FOXD3: variants seen among roughly 807,000 people sequenced by gnomAD.
The protein encoded by FOXD3 is forkhead box protein D3.
Under a neutral mutation model 3.6 loss-of-function variants are expected in FOXD3, and 3 were observed. That is an observed-to-expected ratio of 0.84 (90% CI 0.38 to 2.18). FOXD3 has a LOEUF of 2.18. Among genes scored for constraint, FOXD3 ranks in the 30% most tolerant of loss-of-function variants. The pLI is 0.06. For missense variants in FOXD3, 686 were observed against 731.6 expected (o/e 0.94, Z 0.72); for synonymous variants, 391 against 360.9 (o/e 1.08, Z -0.94).
rs1203200962 is a variant in FOXD3, at chr1:63,324,423, G to A, written c.1365G>A (p.Gln455=). The A allele has an allele frequency of 6.4e-7, 1 of 1,573,566 alleles. No homozygotes were observed. Among genetic ancestry groups the A allele is most frequent in the Non-Finnish European group, 8.6e-7 (1 of 1,169,116 alleles). ...APILSVPLSG[Q]FLQPAASAAA... is the part of the protein sequence containing the mutation. ...TTCTTAGCGTGCCACTCTCCGGACA[G>A]TTTCTGCAGCCCGCAGCCTCGGCCG... Residue 455 remains glutamine, a synonymous_variant, in exon 1 of 1, where the codon CAG becomes CAA. Transcript: ENST00000371116. This position sits in a 1 kb window ranked among gnomAD's most constrained non-coding sequence, Gnocchi z 4.1.
rs2100338541 is a variant in FOXD3, at chr1:63,323,078, G to A, written c.20G>A (p.Gly7Asp). 5 of 1,548,454 alleles carry A rather than the reference G, an allele frequency of 3.2e-6. No homozygotes were observed. The African/African-American group carries it at 4.2e-5, about 13-fold the overall frequency. Reference sequence around the variant, plus strand: ...GGAGGGATGACCCTCTCCGGCGGCGGCAGCGCCAGCGACATGTCCGGCCAG... The same window carrying A: ...GGAGGGATGACCCTCTCCGGCGGCGACAGCGCCAGCGACATGTCCGGCCAG... MTLSGG[G>D]SASDMSGQTV... The change falls in exon 1 of 1, where the codon GGC becomes GAC. Residue 7 changes from glycine (G) to aspartate (D), a missense_variant. Transcript: ENST00000371116. This position sits in a 1 kb window ranked among gnomAD's most constrained non-coding sequence, Gnocchi z 6.8.
Position 63,323,802 on chromosome 1 carries a change from G to A in FOXD3, c.744G>A (p.Gln248=), listed in dbSNP as rs374869492. The change falls in exon 1 of 1, where the codon CAG becomes CAA. Residue 248 remains glutamine, a synonymous_variant. Coordinates refer to ENST00000371116, the MANE Select transcript of FOXD3 (RefSeq NM_012183.3). This position sits in a 1 kb window ranked among gnomAD's most constrained non-coding sequence, Gnocchi z 6.8. ...KRHQQEHLRE[Q]TALMMQSFGA... ...ACCAGCAGGAGCACCTGCGCGAGCA[G>A]ACGGCGCTCATGATGCAGAGCTTCG... 6.8e-6 allele frequency: 11 copies of A among 1,612,260 alleles called. No homozygotes were observed. Among genetic ancestry groups the A allele is most frequent in the Non-Finnish European group, 9.3e-6 (11 of 1,179,670 alleles).
rs1206377652 is a variant in FOXD3, at chr1:63,324,259, G to T, written c.1201G>T (p.Ala401Ser). ...GGGCTCGGCGGTGGGCGCTGGGGTC[G>T]CCGGCGGCACTGGGGGTTCAGGGGG... is the stretch of plus-strand genomic sequence containing the variant. ...PGGSAVGAGV[A>S]GGTGGSGGGS... is the part of the protein sequence containing the mutation. The change falls in exon 1 of 1, where the codon GCC (alanine) becomes TCC (serine). Residue 401 changes from alanine (A) to serine (S), a missense_variant. Around this residue, in one of 3 missense-constraint regions of FOXD3, gnomAD observed 370 missense variants for 372.3 expected, o/e 0.99. Transcript: ENST00000371116. This position sits in a 1 kb window ranked among gnomAD's most constrained non-coding sequence, Gnocchi z 4.1. 1 of 1,468,548 alleles carries T rather than the reference G, an allele frequency of 6.8e-7. No individual in the cohort carries two copies. 91.0% of individuals were successfully genotyped at this position (1,468,548 alleles called of 1,614,324 possible).
chr1:63,322,711 C>G lies in FOXD3; in HGVS notation c.-348C>G. The G allele has an allele frequency of 1.0e-6, 1 of 984,080 alleles. No individual in the cohort carries two copies. The highest frequency in any genetic ancestry group is 1.2e-6 in the Non-Finnish European group (1 of 828,710). 61.0% of individuals were successfully genotyped at this position (984,080 alleles called of 1,614,324 possible). On this transcript the variant is annotated 5_prime_UTR_variant, in exon 1 of 1. Coordinates refer to ENST00000371116, the MANE Select transcript of FOXD3 (RefSeq NM_012183.3). ...CCGCCTGGACCGCTCCTGCGCCCCACGCCAGGGCCAGAGGCCGAGGAAGGC... is the reference window on the plus strand; with the variant it reads ...CCGCCTGGACCGCTCCTGCGCCCCAGGCCAGGGCCAGAGGCCGAGGAAGGC...
At position 63,323,341 on chromosome 1, in the gene FOXD3, G is replaced by A; in HGVS notation, c.283G>A (p.Asp95Asn). The A allele has an allele frequency of 7.4e-7, 1 of 1,347,016 alleles. No individual in the cohort carries two copies. Among genetic ancestry groups the A allele is most frequent in the Admixed American group, 4.1e-5 (1 of 24,132 alleles). The allele number at this position is 1,347,016 out of a possible 1,614,324, so 83.4% of individuals were successfully genotyped here. Reference protein sequence around the residue: ...AAGAGAGPGGDVGAPEADGCK... With the variant: ...AAGAGAGPGGNVGAPEADGCK... ...CGGAGCCGGGGCCGGACCGGGGGGC[G>A]ACGTGGGCGCGCCGGAGGCGGACGG... Residue 95 changes from aspartate to asparagine, a missense_variant, in exon 1 of 1, where the codon GAC (aspartate) becomes AAC (asparagine). Around this residue, in one of 3 missense-constraint regions of FOXD3, gnomAD observed 232 missense variants for 214.0 expected, o/e 1.08. Transcript: ENST00000371116. The surrounding 1 kb of genome is among the most constrained non-coding windows in gnomAD (Gnocchi z 6.8).
In FOXD3 at chr1:63,322,961, G is replaced by A; in HGVS notation, c.-98G>A. On this transcript the variant is annotated 5_prime_UTR_variant, in exon 1 of 1. Coordinates refer to ENST00000371116, the MANE Select transcript of FOXD3 (RefSeq NM_012183.3). ...CTCTCCCTGCCCCCCATCTTTCGGG[G>A]GCACTCAAACCCTCTTCCCCTGAGC... 1 of 1,409,024 alleles carries A rather than the reference G, an allele frequency of 7.1e-7. No individual in the cohort carries two copies. The allele number at this position is 1,409,024 out of a possible 1,614,324, so 87.3% of individuals were successfully genotyped here.
In FOXD3 at chr1:63,324,280, G is replaced by A. The variant is rs1384814422; in HGVS notation, c.1222G>A (p.Gly408Arg). Residue 408 changes from glycine to arginine, a missense_variant, in exon 1 of 1, where the codon GGG (glycine) becomes AGG (arginine). Gly to Arg is a moderately radical substitution (Grantham distance 125). Coordinates refer to ENST00000371116, the MANE Select transcript of FOXD3 (RefSeq NM_012183.3). The surrounding 1 kb of genome is among the most constrained non-coding windows in gnomAD (Gnocchi z 4.1). ...AGVAGGTGGSGGGSTAQSFLR... is the reference protein window; with the variant it reads ...AGVAGGTGGSRGGSTAQSFLR... Reference sequence around the variant, plus strand: ...GGTCGCCGGCGGCACTGGGGGTTCAGGGGGCGGCAGCACGGCGCAGTCGTT... The same window carrying A: ...GGTCGCCGGCGGCACTGGGGGTTCAAGGGGCGGCAGCACGGCGCAGTCGTT... The A allele has an allele frequency of 1.2e-5, 18 of 1,517,058 alleles. No individual in the cohort carries two copies. Among genetic ancestry groups the A allele is most frequent in the Non-Finnish European group, 1.6e-5 (18 of 1,140,708 alleles). The allele number at this position is 1,517,058 out of a possible 1,614,324, so 94.0% of individuals were successfully genotyped here.
In FOXD3 at chr1:63,323,440, G is replaced by A. The variant is rs1422988099; in HGVS notation, c.382G>A (p.Gly128Arg). Residue 128 changes from glycine to arginine, a missense_variant, in exon 1 of 1, where the codon GGA becomes AGA. Physicochemically the swap from Gly to Arg is moderately radical, Grantham distance 125 (BLOSUM62 -2). Around this residue, in one of 3 missense-constraint regions of FOXD3, gnomAD observed 232 missense variants for 214.0 expected, o/e 1.08. Transcript: ENST00000371116. The surrounding 1 kb of genome is among the most constrained non-coding windows in gnomAD (Gnocchi z 6.8). Reference sequence around the variant, plus strand: ...GCCTGGCGCGGGCAGCGGTTCGGCGGGAGGCCTGGCCCCGAGCAAGCCCAA... The same window carrying A: ...GCCTGGCGCGGGCAGCGGTTCGGCGAGAGGCCTGGCCCCGAGCAAGCCCAA... Reference protein sequence around the residue: ...GGPGAGSGSAGGLAPSKPKNS... With the variant: ...GGPGAGSGSARGLAPSKPKNS... The A allele has an allele frequency of 7.6e-6, 12 of 1,578,106 alleles. No individual in the cohort carries two copies. The highest frequency in any genetic ancestry group is 1.0e-5 in the Non-Finnish European group (12 of 1,164,532).
In FOXD3 at chr1:63,323,063, C is replaced by A. The variant is rs1385888095; in HGVS notation, c.5C>A (p.Thr2Asn). M[T>N]LSGGGSASDM... ...CGCTACCAACCCCGAGGAGGGATGA[C>A]CCTCTCCGGCGGCGGCAGCGCCAGC... Residue 2 changes from threonine to asparagine, a missense_variant, in exon 1 of 1, where the codon ACC (threonine) becomes AAC (asparagine). Around this residue, in one of 3 missense-constraint regions of FOXD3, gnomAD observed 232 missense variants for 214.0 expected, o/e 1.08. Transcript: ENST00000371116. This position sits in a 1 kb window ranked among gnomAD's most constrained non-coding sequence, Gnocchi z 6.8. 1 of 1,537,952 alleles carries A rather than the reference C, an allele frequency of 6.5e-7. No individual in the cohort carries two copies. The highest frequency in any genetic ancestry group is 2.0e-5 in the Admixed American group (1 of 51,012).
chr1:63,324,398 T>C lies in FOXD3; in HGVS notation c.1340T>C (p.Ile447Thr). The stretch of plus-strand genomic sequence containing the variant: ...CGGACGACTGCCACCATCGCGCCCA[T>C]TCTTAGCGTGCCACTCTCCGGACAG... ...LSRTTATIAPILSVPLSGQFL... is the reference protein window; with the variant it reads ...LSRTTATIAPTLSVPLSGQFL... The change falls in exon 1 of 1, where the codon ATT (isoleucine) becomes ACT (threonine). Residue 447 changes from isoleucine (I) to threonine (T), a missense_variant. Transcript: ENST00000371116. This position sits in a 1 kb window ranked among gnomAD's most constrained non-coding sequence, Gnocchi z 4.1. The C allele has an allele frequency of 6.3e-7, 1 of 1,586,462 alleles. No homozygotes were observed. Among genetic ancestry groups the C allele is most frequent in the East Asian group, 2.3e-5 (1 of 43,498 alleles).
chr1:63,323,580 C>T lies in FOXD3; in HGVS notation c.522C>T (p.Arg174=), dbSNP rs755691977. The T allele has an allele frequency of 1.9e-6, 3 of 1,614,170 alleles. No homozygotes were observed. In the Admixed American group the frequency reaches 5.0e-5, roughly 27 times the overall value. The change falls in exon 1 of 1, where the codon CGC becomes CGT. Residue 174 remains arginine (R), a synonymous_variant. Coordinates refer to ENST00000371116, the MANE Select transcript of FOXD3 (RefSeq NM_012183.3). The surrounding 1 kb of genome is among the most constrained non-coding windows in gnomAD (Gnocchi z 6.8). ...LSGICEFISN[R]FPYYREKFPA... ...GCATCTGCGAGTTCATCAGCAACCG[C>T]TTCCCCTACTACAGGGAGAAGTTCC... is the stretch of plus-strand genomic sequence containing the variant.
chr1:63,323,914 T>C lies in FOXD3; in HGVS notation c.856T>C (p.Tyr286His), dbSNP rs1460737853. ...GCACCCTGCGGCGGCGGCCGGTGCC[T>C]ATTCGCACCCGGCAGCGGCGGCGGC... is the stretch of plus-strand genomic sequence containing the variant. The part of the protein sequence containing the change: ...GLHPAAAAGA[Y>H]SHPAAAAAAA... Residue 286 changes from tyrosine (Y) to histidine (H), a missense_variant, in exon 1 of 1, where the codon TAT becomes CAT. Physicochemically the swap from Tyr to His is moderately conservative, Grantham distance 83 (BLOSUM62 2). Transcript: ENST00000371116. The surrounding 1 kb of genome is among the most constrained non-coding windows in gnomAD (Gnocchi z 6.8). The C allele has an allele frequency of 1.6e-5, 21 of 1,288,936 alleles. No homozygotes were observed. 79.8% of individuals were successfully genotyped at this position (1,288,936 alleles called of 1,614,324 possible). A position where few individuals can be genotyped will look rare whatever the true frequency, so the allele number is the denominator to read the frequency against.
Position 63,323,403 on chromosome 1 carries a change from G to A in FOXD3, c.345G>A (p.Ala115=). The A allele has an allele frequency of 1.4e-6, 2 of 1,458,106 alleles. No individual in the cohort carries two copies. The highest frequency in any genetic ancestry group is 2.8e-5 in the East Asian group (1 of 35,602). 90.3% of individuals were successfully genotyped at this position (1,458,106 alleles called of 1,614,324 possible). A position where few individuals can be genotyped will look rare whatever the true frequency, so the allele number is the denominator to read the frequency against. ...KGGVGGEEGG[A]SGGGPGAGSG... is the part of the protein sequence containing the mutation. ...GTGTTGGCGGCGAGGAGGGCGGCGC[G>A]AGCGGCGGCGGGCCTGGCGCGGGCA... Residue 115 remains alanine, a synonymous_variant, in exon 1 of 1, where the codon GCG becomes GCA. Coordinates refer to ENST00000371116, the MANE Select transcript of FOXD3 (RefSeq NM_012183.3). This position sits in a 1 kb window ranked among gnomAD's most constrained non-coding sequence, Gnocchi z 6.8.
Position 63,324,231 on chromosome 1 carries a change from T to A in FOXD3, c.1173T>A (p.Pro391=). 3 of 1,443,198 alleles carry A rather than the reference T, an allele frequency of 2.1e-6. No homozygotes were observed. Among genetic ancestry groups the A allele is most frequent in the Non-Finnish European group, 2.7e-6 (3 of 1,109,580 alleles). 89.4% of individuals were successfully genotyped at this position (1,443,198 alleles called of 1,614,324 possible). A position where few individuals can be genotyped will look rare whatever the true frequency, so the allele number is the denominator to read the frequency against. The stretch of plus-strand genomic sequence containing the variant: ...TCATAGGTGGGGGCCCCGCGGCTCC[T>A]GGGGGCTCGGCGGTGGGCGCTGGGG... ...ENIIGGGPAA[P]GGSAVGAGVA... is the part of the protein sequence containing the mutation. Residue 391 remains proline, a synonymous_variant, in exon 1 of 1, where the codon CCT becomes CCA. Transcript: ENST00000371116. This position sits in a 1 kb window ranked among gnomAD's most constrained non-coding sequence, Gnocchi z 4.1.
chr1:63,324,400 C>T lies in FOXD3; in HGVS notation c.1342C>T (p.Leu448Phe). 2 of 1,586,040 alleles carry T rather than the reference C, an allele frequency of 1.3e-6. No individual in the cohort carries two copies. The highest frequency in any genetic ancestry group is 1.7e-6 in the Non-Finnish European group (2 of 1,174,856). Reference sequence around the variant, plus strand: ...GACGACTGCCACCATCGCGCCCATTCTTAGCGTGCCACTCTCCGGACAGTT... The same window carrying T: ...GACGACTGCCACCATCGCGCCCATTTTTAGCGTGCCACTCTCCGGACAGTT... The part of the protein sequence containing the change: ...SRTTATIAPI[L>F]SVPLSGQFLQ... Residue 448 changes from leucine to phenylalanine, a missense_variant, in exon 1 of 1, where the codon CTT becomes TTT. Around this residue, in one of 3 missense-constraint regions of FOXD3, gnomAD observed 370 missense variants for 372.3 expected, o/e 0.99. Transcript: ENST00000371116. The surrounding 1 kb of genome is among the most constrained non-coding windows in gnomAD (Gnocchi z 4.1).
chr1:63,323,418 T>C lies in FOXD3; in HGVS notation c.360T>C (p.Pro120=). 1 of 1,542,864 alleles carries C rather than the reference T, an allele frequency of 6.5e-7. No homozygotes were observed. Reference sequence around the variant, plus strand: ...AGGGCGGCGCGAGCGGCGGCGGGCCTGGCGCGGGCAGCGGTTCGGCGGGAG... The same window carrying C: ...AGGGCGGCGCGAGCGGCGGCGGGCCCGGCGCGGGCAGCGGTTCGGCGGGAG... ...GEEGGASGGG[P]GAGSGSAGGL... is the part of the protein sequence containing the mutation. Residue 120 remains proline (P), a synonymous_variant, in exon 1 of 1, where the codon CCT becomes CCC. Transcript: ENST00000371116. This position sits in a 1 kb window ranked among gnomAD's most constrained non-coding sequence, Gnocchi z 6.8.
rs760636951 is a variant in FOXD3 at position 63,323,676 on chromosome 1, G to T, written c.618G>T (p.Pro206=). Residue 206 remains proline, a synonymous_variant, in exon 1 of 1, where the codon CCG becomes CCT. Transcript: ENST00000371116. This position sits in a 1 kb window ranked among gnomAD's most constrained non-coding sequence, Gnocchi z 6.8. ...GCTTCGTCAAGATCCCCCGCGAGCC[G>T]GGCAACCCGGGCAAGGGCAACTACT... ...NDCFVKIPRE[P]GNPGKGNYWT... 6.2e-7 allele frequency: 1 copy of T among 1,614,034 alleles called. No homozygotes were observed. Among genetic ancestry groups the T allele is most frequent in the Non-Finnish European group, 8.5e-7 (1 of 1,179,976 alleles).
chr1:63,322,897 T>G lies in FOXD3; in HGVS notation c.-162T>G. The stretch of plus-strand genomic sequence containing the variant: ...CGATGCGGGGCCGCCGAGTGTGAGC[T>G]GAGCCCAGCGGGCCCCAAGCCACCT... On this transcript the variant is annotated 5_prime_UTR_variant, in exon 1 of 1. Coordinates refer to ENST00000371116, the MANE Select transcript of FOXD3 (RefSeq NM_012183.3). 3 of 1,378,446 alleles carry G rather than the reference T, an allele frequency of 2.2e-6. No homozygotes were observed. Among genetic ancestry groups the G allele is most frequent in the Non-Finnish European group, 2.8e-6 (3 of 1,072,974 alleles). The allele number at this position is 1,378,446 out of a possible 1,614,324, so 85.4% of individuals were successfully genotyped here.
In FOXD3 at chr1:63,323,858, C is replaced by A; in HGVS notation, c.800C>A (p.Ala267Asp). 1 of 1,542,534 alleles carries A rather than the reference C, an allele frequency of 6.5e-7. No individual in the cohort carries two copies. The highest frequency in any genetic ancestry group is 8.7e-7 in the Non-Finnish European group (1 of 1,152,612). ...TACAGCCTGGCGGCGGCGGCCGGCG[C>A]CGCGGGACCCTACGGCCGCCCCTAC... is the stretch of plus-strand genomic sequence containing the variant. Reference protein sequence around the residue: ...GAYSLAAAAGAAGPYGRPYGL... With the variant: ...GAYSLAAAAGDAGPYGRPYGL... The change falls in exon 1 of 1, where the codon GCC becomes GAC. Residue 267 changes from alanine to aspartate, a missense_variant. By Grantham distance (126) the Ala-to-Asp change is moderately radical. This residue lies in a region of FOXD3 where 370 missense variants were observed against 372.3 expected (regional missense o/e 0.99). Coordinates refer to ENST00000371116, the MANE Select transcript of FOXD3 (RefSeq NM_012183.3). This position sits in a 1 kb window ranked among gnomAD's most constrained non-coding sequence, Gnocchi z 6.8.
Sources: allele counts gnomAD v4.1 joint callset, GRCh38; gene constraint gnomAD v4.1.1; regional missense constraint gnomAD v4.1.1; non-coding constraint Gnocchi (gnomAD v3.1); transcripts MANE v1.5; gene names NCBI Gene and HGNC (gene_info 2026-07-23, HGNC 2026-07-21).